TMPRSS15: variants seen among roughly 807,000 people sequenced by gnomAD.
TMPRSS15 encodes enteropeptidase.
In TMPRSS15, 128 loss-of-function variants were observed where a neutral mutation model predicts 125.3. The observed-to-expected ratio is 1.02, with a 90% CI of 0.89 to 1.18. The LOEUF (loss-of-function observed/expected upper bound fraction) is 1.18. TMPRSS15 is among the 50% of genes most tolerant of loss of function. TMPRSS15 has a pLI of 0.00. For synonymous variants in TMPRSS15, 446 were observed against 423.2 expected (o/e 1.05, Z -0.66); for missense variants, 1,283 against 1,212.7 (o/e 1.06, Z -0.86).
chr21:18,371,271 T>A (rs984038619), intron 6 of TMPRSS15, among the ~76,000 whole-genome samples: 4 of 152,198 alleles, frequency 2.6e-5, no homozygotes, highest in African/African-American at 9.6e-5. Context: ...ACATTGTTTA[T>A]TTCTGGAATT....
At chr21:18,413,307 TTTC>T (rs1835429929) in intron 1 of TMPRSS15, among the ~76,000 whole-genome samples, 1 of 80,154 alleles carries the variant, frequency 1.2e-5, no homozygotes, top group Admixed American at 1.4e-4. Context: ...CTTTCTTTTC[TTTC>T]TTTTCCTTCC....
intron 16 of TMPRSS15, among the ~76,000 whole-genome samples, chr21:18,317,837 TCCATCCCATC>T (rs60306073): frequency 0.19 from 5,721 of 30,108 alleles, 614 homozygotes; most frequent in Non-Finnish European, 0.22. Context: ...CCCATCCTAT[TCCATCCCATC>T]CCATCCCATC....
At chr21:18,329,144 T>C in intron 15 of TMPRSS15, 25 bp downstream of exon 15, 1 of 1,611,352 alleles carries the variant, frequency 6.2e-7, no homozygotes. Flanking sequence ...TTACAACCTT[T>C]ACAATATTCA....
At chr21:18,292,079 A>C (rs530239875) in intron 21 of TMPRSS15, among the ~76,000 whole-genome samples, 2 of 152,344 alleles carry the variant, frequency 1.3e-5, no homozygotes, top group South Asian at 4.1e-4. Flanking sequence ...GAAAGTCCAA[A>C]TGTATCAACA....
chr21:18,352,850 C>A, intron 10 of TMPRSS15, 53 bp downstream of exon 10: 1 of 1,583,392 alleles, frequency 6.3e-7, no homozygotes, highest in Non-Finnish European at 8.7e-7. Flanking sequence ...TACCTCTTTC[C>A]TTTTGATTTA....
At chr21:18,470,588 G>T (rs1978758647) in intron 1 of TMPRSS15, among the ~76,000 whole-genome samples, 1 of 152,088 alleles carries the variant, frequency 6.6e-6, no homozygotes, top group South Asian at 2.1e-4. Flanking sequence ...TCAAAATTAT[G>T]TTGTCAAGGT....
chr21:18,477,365 C>A (rs1482529344), intron 1 of TMPRSS15: 1 of 152,220 alleles, frequency 6.6e-6, no homozygotes, highest in South Asian at 2.1e-4. Flanking sequence ...CTAGGCTGTT[C>A]TGCATTTTTT....
In TMPRSS15 at chr21:18,321,497, T is replaced by C. The variant is rs983010566; in HGVS notation, c.1921+4935A>G. 1.3e-4 allele frequency among the ~76,000 whole-genome samples: 19 copies of C among 151,770 alleles called. No individual in the cohort carries two copies. The East Asian group carries it at 1.4e-3, about 11-fold the overall frequency. ...CCTTCCCAGTAGCTGGGACTACAGG[T>C]GCCTGCCACCACGCCCAGCTAATAT... On this transcript the variant is annotated intron_variant, in intron 16 of 24. Transcript: ENST00000284885.
Position 18,344,398 on chromosome 21 carries a change from G to C in TMPRSS15, c.1172-338C>G, listed in dbSNP as rs1000152707. On this transcript the variant is annotated intron_variant, in intron 10 of 24. Coordinates refer to ENST00000284885, the MANE Select transcript of TMPRSS15 (RefSeq NM_002772.3). ...TTAATTCTAGTTTACTAGATATTTT[G>C]ATTAATTCACATGAGGATATCTAGA... Among the ~76,000 whole-genome samples, 19 of 152,086 alleles carry C rather than the reference G, an allele frequency of 1.2e-4. 1 individual carries two copies. Among genetic ancestry groups the C allele is most frequent in the African/African-American group, 4.1e-4 (17 of 41,412 alleles).
intron 23 of TMPRSS15, 149 bp downstream of exon 23, chr21:18,278,815 C>T: frequency 3.5e-6 from 2 of 575,104 alleles, no homozygotes; most frequent in Non-Finnish European, 6.2e-6. Flanking sequence ...TATATATGTA[C>T]ATGCTTGACG....
upstream of TMPRSS15, among the ~76,000 whole-genome samples, chr21:18,407,974 G>T (rs2123161559): frequency 6.6e-6 from 1 of 152,258 alleles, no homozygotes; most frequent in South Asian, 2.1e-4. Context: ...CTGGTTAGGT[G>T]AATAATGAAG....
chr21:18,306,426 A>G (rs1197289946), intron 18 of TMPRSS15, among the ~76,000 whole-genome samples: 1 of 152,178 alleles, frequency 6.6e-6, no homozygotes, highest in African/African-American at 2.4e-5. Context: ...CTCTTCCCCC[A>G]GTATTTTCAA....
intron 1 of TMPRSS15, among the ~76,000 whole-genome samples, chr21:18,422,192 G>T (rs1298043166): frequency 6.6e-6 from 1 of 151,906 alleles, no homozygotes; most frequent in African/African-American, 2.4e-5. Flanking sequence ...CACCATGTTG[G>T]CGAGATTGGT....
At chr21:18,319,641 C>G (rs2075213766) in intron 16 of TMPRSS15, among the ~76,000 whole-genome samples, 1 of 152,100 alleles carries the variant, frequency 6.6e-6, no homozygotes, top group South Asian at 2.1e-4. Flanking sequence ...GTTGGTCAGG[C>G]TGGTCTCAAA....
chr21:18,325,755 C>A (rs138700090), intron 16 of TMPRSS15, among the ~76,000 whole-genome samples: 3 of 151,970 alleles, frequency 2.0e-5, no homozygotes, highest in South Asian at 2.1e-4. Context: ...CAAAAAAATT[C>A]TCTGCAGATT....
At chr21:18,281,914 G>A (rs1031538069) in intron 21 of TMPRSS15, among the ~76,000 whole-genome samples, 9 of 151,748 alleles carry the variant, frequency 5.9e-5, no homozygotes, top group African/African-American at 1.9e-4. Context: ...TGGTTAACAC[G>A]GTGAAACCCC....
chr21:18,277,734 C>A (rs1180395150), intron 23 of TMPRSS15, among the ~76,000 whole-genome samples: 1 of 152,160 alleles, frequency 6.6e-6, no homozygotes, highest in Admixed American at 6.5e-5. Context: ...AGATTTTCTG[C>A]ATTTTCATCT....
At chr21:18,312,168 G>A (rs955829795) in intron 18 of TMPRSS15, among the ~76,000 whole-genome samples, 6 of 152,054 alleles carry the variant, frequency 3.9e-5, no homozygotes, top group African/African-American at 1.4e-4. Context: ...TGGTGGGTTA[G>A]AGTTGCCAGG....
chr21:18,324,325 T>A (rs538606466), intron 16 of TMPRSS15, among the ~76,000 whole-genome samples: 1 of 152,332 alleles, frequency 6.6e-6, no homozygotes, highest in East Asian at 1.9e-4. Context: ...TTTTTCATTC[T>A]TCATCATGCT....
Sources: allele counts gnomAD v4.1 joint callset (sites outside exome capture counted in the v4.1 genomes callset), GRCh38; gene constraint gnomAD v4.1.1; transcripts MANE v1.5; gene names NCBI Gene and HGNC (gene_info 2026-07-23, HGNC 2026-07-21).